Variants in RBM4 observed in about 807,000 individuals in gnomAD.
The protein encoded by RBM4 is RNA binding motif protein 4.
In RBM4, 7 loss-of-function variants were observed where a neutral mutation model predicts 29.5. The observed-to-expected ratio is 0.24, with a 90% CI of 0.14 to 0.45. The LOEUF is 0.45. Among genes scored for constraint, RBM4 ranks in the 20% least tolerant of loss-of-function variants. The pLI, the probability that RBM4 is intolerant of heterozygous loss-of-function variation, is 1.00. For missense variants in RBM4, 387 were observed against 502.3 expected (o/e 0.77, Z 2.19); for synonymous variants, 220 against 205.4 (o/e 1.07, Z -0.61).
At chr11:66,664,507 C>G (rs1036753333) in intron 2 of RBM4, among the ~76,000 whole-genome samples, 1 of 150,880 alleles carries the variant, frequency 6.6e-6, no homozygotes, top group Non-Finnish European at 1.5e-5. Flanking sequence ...GTTGTCCAGG[C>G]TGGAGTGCAA....
At chr11:66,651,645 G>A (rs1016191807) in intron 2 of RBM4, among the ~76,000 whole-genome samples, 8 of 152,138 alleles carry the variant, frequency 5.3e-5, no homozygotes, top group Non-Finnish European at 1.0e-4. Context: ...ACCATGCCCC[G>A]CCAACAGGAG....
At chr11:66,644,872 C>T in intron 3 of RBM4, 5 of 190,402 alleles carry the variant, frequency 2.6e-5, no homozygotes, top group South Asian at 1.8e-4. Context: ...GTGCCCACTC[C>T]ATTGCTATAT....
intron 2 of RBM4, among the ~76,000 whole-genome samples, chr11:66,663,254 T>C (rs2135219936): frequency 6.6e-6 from 1 of 152,344 alleles, no homozygotes; most frequent in Non-Finnish European, 1.5e-5. Context: ...TAATATGTGA[T>C]TTGCTTTTCT....
chr11:66,644,054 C>G lies in RBM4; in HGVS notation c.1017C>G (p.Ala339=). The G allele has an allele frequency of 6.2e-7, 1 of 1,614,000 alleles. No individual in the cohort carries two copies. Among genetic ancestry groups the G allele is most frequent in the Non-Finnish European group, 8.5e-7 (1 of 1,180,020 alleles). ...HESELSQASA[A]ARNSLYDMAR... Reference sequence around the variant, plus strand: ...GTGAGTTGTCCCAAGCTTCAGCAGCCGCGCGGAATTCTCTGTACGACATGG... The same window carrying G: ...GTGAGTTGTCCCAAGCTTCAGCAGCGGCGCGGAATTCTCTGTACGACATGG... Residue 339 remains alanine (A), a synonymous_variant, in exon 3 of 4, where the codon GCC becomes GCG. Transcript: ENST00000310092.
At chr11:66,640,144 A>G in intron 2 of RBM4, 21 bp downstream of exon 2, 1 of 1,614,104 alleles carries the variant, frequency 6.2e-7, no homozygotes, top group Non-Finnish European at 8.5e-7. Flanking sequence ...CTCTTTGGGT[A>G]GAGGGCTGAA....
At chr11:66,641,961 G>A (rs1034037606) in intron 2 of RBM4, among the ~76,000 whole-genome samples, 1 of 152,186 alleles carries the variant, frequency 6.6e-6, no homozygotes, top group Admixed American at 6.5e-5. Context: ...CTTTATGTCT[G>A]GAATGTGCAT....
intron 3 of RBM4, among the ~76,000 whole-genome samples, chr11:66,645,805 A>G (rs181808005): frequency 1.3e-5 from 2 of 152,308 alleles, no homozygotes; most frequent in African/African-American, 4.8e-5. Context: ...AAGATTTGCT[A>G]TTAATTTAAG....
At chr11:66,655,067 C>T (rs1187309370) in intron 2 of RBM4, among the ~76,000 whole-genome samples, 1 of 151,822 alleles carries the variant, frequency 6.6e-6, no homozygotes, top group Non-Finnish European at 1.5e-5. Context: ...CTCACTGCAA[C>T]CTCTGCCTCC....
At chr11:66,657,301 T>A (rs1938968112) in intron 2 of RBM4, among the ~76,000 whole-genome samples, 1 of 151,344 alleles carries the variant, frequency 6.6e-6, no homozygotes, top group African/African-American at 2.4e-5. Context: ...TTTATTTTTA[T>A]CTTTTGGTAG....
intron 2 of RBM4, among the ~76,000 whole-genome samples, chr11:66,664,601 C>CA (rs978278191): frequency 2.0e-4 from 30 of 152,160 alleles, no homozygotes; most frequent in African/African-American, 6.8e-4. Context: ...GCTGGGATTA[C>CA]AGGCGCCTGC....
exon 3 of RBM4, chr11:66,666,769 A>G (rs2135228514): frequency 6.6e-6 from 1 of 152,362 alleles, no homozygotes. Flanking sequence ...TGCTTCACAC[A>G]TAAACACAGA....
chr11:66,660,129 C>CT (rs778565169), intron 2 of RBM4, among the ~76,000 whole-genome samples: 9,000 of 127,382 alleles, frequency 0.071, 382 homozygotes, highest in African/African-American at 0.097. Context: ...GCCTCAGGGC[C>CT]TTTTTTTTTT....
chr11:66,643,418 A>T lies in RBM4; in HGVS notation c.413-32A>T, dbSNP rs1938553270. On this transcript the variant is annotated intron_variant, in intron 2 of 3. Coordinates refer to ENST00000310092, the MANE Select transcript of RBM4 (RefSeq NM_002896.4). The surrounding 1 kb of genome is among the most constrained non-coding windows in gnomAD (Gnocchi z 6.1). ...GGGGCTGGGGCTATGACTAAGAGTG[A>T]TAGCAACCCTTCTTGCGTCTGTTTC... 6.4e-7 allele frequency: 1 copy of T among 1,573,260 alleles called. No individual in the cohort carries two copies.
At chr11:66,644,927 G>GTT (rs1305157033) in intron 3 of RBM4, among the ~76,000 whole-genome samples, 4 of 141,062 alleles carry the variant, frequency 2.8e-5, no homozygotes, top group Admixed American at 7.1e-5. Context: ...CTTACTTAGG[G>GTT]TTTTTTTTTT....
intron 2 of RBM4, among the ~76,000 whole-genome samples, chr11:66,651,882 TGTTCTATGGCA>T (rs1236024478): frequency 1.3e-5 from 2 of 151,826 alleles, no homozygotes; most frequent in Non-Finnish European, 2.9e-5. Context: ...ATGAGGGCTC[TGTTCTATGGCA>T]TAATCACCTC....
exon 3 of RBM4, chr11:66,666,993 G>C (rs1384614579): frequency 6.6e-6 from 1 of 151,624 alleles, no homozygotes; most frequent in Non-Finnish European, 1.5e-5. Context: ...TCTCACTCCT[G>C]GGCTCAAGGG....
chr11:66,644,201 T>G (rs951125706), intron 3 of RBM4, 61 bp downstream of exon 3: 1 of 1,543,140 alleles, frequency 6.5e-7, no homozygotes, highest in Non-Finnish European at 8.7e-7. Flanking sequence ...CCTAAAGGGC[T>G]CCAATTAGGC....
intron 3 of RBM4, among the ~76,000 whole-genome samples, chr11:66,645,282 T>G (rs1938642634): frequency 6.6e-6 from 1 of 152,206 alleles, no homozygotes; most frequent in African/African-American, 2.4e-5. Flanking sequence ...TACTTAAGGG[T>G]AAATCTCAAT....
chr11:66,648,680 G>T (rs1378802387), downstream of RBM4, among the ~76,000 whole-genome samples: 15 of 151,960 alleles, frequency 9.9e-5, no homozygotes. Context: ...CGGGCATGGT[G>T]GCAGGCGCCT....
Sources: allele counts gnomAD v4.1 joint callset (sites outside exome capture counted in the v4.1 genomes callset), GRCh38; gene constraint gnomAD v4.1.1; non-coding constraint Gnocchi (gnomAD v3.1); transcripts MANE v1.5; gene names NCBI Gene and HGNC (gene_info 2026-07-23, HGNC 2026-07-21).